The following HMG20A variants were observed in gnomAD, a reference collection of about 807,000 sequenced individuals.
HMG20A encodes high mobility group 20A.
In HMG20A, 17 loss-of-function variants were observed where a neutral mutation model predicts 43.9. The observed-to-expected ratio is 0.39, with a 90% confidence interval of 0.27 to 0.58. The LOEUF is 0.58. HMG20A is among the 20% of genes least tolerant of loss of function. The pLI is 0.59. For missense variants in HMG20A, 341 were observed against 438.2 expected (o/e 0.78, Z 1.98); for synonymous variants, 132 against 147.5 (o/e 0.89, Z 0.76).
intron 3 of HMG20A, among the ~76,000 whole-genome samples, chr15:77,466,552 T>C (rs1467393996): frequency 6.6e-6 from 1 of 152,246 alleles, no homozygotes; most frequent in East Asian, 1.9e-4. Context: ...GGAAATAAGC[T>C]AGTCTTTGAA....
the HMG20A span, among the ~76,000 whole-genome samples, chr15:77,519,472 G>A: frequency 6.6e-6 from 1 of 152,332 alleles, no homozygotes; most frequent in East Asian, 1.9e-4. Context: ...CAGTGTGATA[G>A]TATTAAGAGG....
chr15:77,504,135 C>T, the HMG20A span, among the ~76,000 whole-genome samples: 1 of 152,162 alleles, frequency 6.6e-6, no homozygotes, highest in African/African-American at 2.4e-5. Flanking sequence ...AGTCCTCAGC[C>T]GAGGCCTTCT....
At chr15:77,502,332 C>A in the HMG20A span, among the ~76,000 whole-genome samples, 1 of 152,202 alleles carries the variant, frequency 6.6e-6, no homozygotes, top group Non-Finnish European at 1.5e-5. Context: ...CTAAGCCAGT[C>A]CCTTGTTCCC....
chr15:77,427,496 C>T (rs575871456), intron 1 of HMG20A, among the ~76,000 whole-genome samples: 62 of 152,232 alleles, frequency 4.1e-4, no homozygotes, highest in African/African-American at 1.4e-3. Flanking sequence ...GTTTTCACCA[C>T]GATTTTACCA....
At chr15:77,451,847 A>C (rs2072606331) in intron 1 of HMG20A, among the ~76,000 whole-genome samples, 1 of 152,230 alleles carries the variant, frequency 6.6e-6, no homozygotes, top group South Asian at 2.1e-4. Flanking sequence ...TTGATGTTAA[A>C]GATTCAATAC....
At chr15:77,422,454 A>G (rs1274673716) in intron 1 of HMG20A, among the ~76,000 whole-genome samples, 4 of 152,124 alleles carry the variant, frequency 2.6e-5, no homozygotes, top group Non-Finnish European at 5.9e-5. Flanking sequence ...CGTCTCTACT[A>G]AAAATACAAA....
chr15:77,519,337 T>G, the HMG20A span, among the ~76,000 whole-genome samples: 1 of 152,222 alleles, frequency 6.6e-6, no homozygotes, highest in Non-Finnish European at 1.5e-5. Context: ...AACGCCAGTG[T>G]GCGCCTACTG....
chr15:77,471,034 A>G lies in HMG20A; in HGVS notation c.575A>G (p.His192Arg), dbSNP rs777976961. The change falls in exon 5 of 10, where the codon CAT becomes CGT. Residue 192 changes from histidine to arginine, a missense_variant. Coordinates refer to ENST00000336216, the MANE Select transcript of HMG20A (RefSeq NM_001304504.2). ...KTQDRQKGKS[H>R]RQDAARQATH... ...CAGGACCGTCAGAAAGGCAAATCTC[A>G]TAGGCAAGGTATCAAAACCAGAACC... is the stretch of plus-strand genomic sequence containing the variant. 2.5e-6 allele frequency: 4 copies of G among 1,599,348 alleles called. No individual in the cohort carries two copies. In the South Asian group the frequency reaches 4.4e-5, roughly 18 times the overall value.
intron 1 of HMG20A, among the ~76,000 whole-genome samples, chr15:77,443,410 A>ATTATTATTATTATT (rs2073637943): frequency 1.4e-5 from 2 of 145,254 alleles, no homozygotes; most frequent in Non-Finnish European, 3.0e-5. Context: ...TATTATTATT[A>ATTATTATTATTATT]AGTTAGGGTC....
At chr15:77,469,207 C>T (rs1296988124) in intron 4 of HMG20A, among the ~76,000 whole-genome samples, 1 of 133,194 alleles carries the variant, frequency 7.5e-6, no homozygotes. Context: ...TCTCCTTTGT[C>T]ATTAATAAGT....
At chr15:77,512,158 A>AT in the HMG20A span, among the ~76,000 whole-genome samples, 1 of 152,258 alleles carries the variant, frequency 6.6e-6, no homozygotes, top group Admixed American at 6.5e-5. Context: ...TAAGCCAGTC[A>AT]CAAAAGGACA....
chr15:77,448,354 C>T (rs1287161990), intron 1 of HMG20A, among the ~76,000 whole-genome samples: 1 of 152,190 alleles, frequency 6.6e-6, no homozygotes, highest in African/African-American at 2.4e-5. Context: ...TTTGCCACCT[C>T]CTCAGTCACA....
At chr15:77,444,875 A>G (rs1046020144) in intron 1 of HMG20A, among the ~76,000 whole-genome samples, 4 of 152,204 alleles carry the variant, frequency 2.6e-5, no homozygotes, top group African/African-American at 4.8e-5. Context: ...GAAAACTCTA[A>G]ATTTCATCTT....
chr15:77,436,631 G>T (rs1162327572), intron 1 of HMG20A, among the ~76,000 whole-genome samples: 2 of 151,584 alleles, frequency 1.3e-5, no homozygotes, highest in Non-Finnish European at 2.9e-5. Flanking sequence ...GCTAATTTTT[G>T]TATTTTTAGT....
In HMG20A at chr15:77,464,050, A is replaced by G. The variant is rs565013116; in HGVS notation, c.90-190A>G. On this transcript the variant is annotated intron_variant, in intron 2 of 9. Coordinates refer to ENST00000336216, the MANE Select transcript of HMG20A (RefSeq NM_001304504.2). ...TGTCTTCATGGAACTGACCTGGTTT[A>G]ATCAAGCACTGAAACCAGTTTTTTT... Among the ~76,000 whole-genome samples the G allele has an allele frequency of 7.2e-5, 11 of 152,356 alleles. No individual in the cohort carries two copies. The South Asian group carries it at 2.3e-3, about 32-fold the overall frequency.
At chr15:77,466,128 C>G (rs2072754612) in intron 3 of HMG20A, among the ~76,000 whole-genome samples, 2 of 152,162 alleles carry the variant, frequency 1.3e-5, no homozygotes, top group African/African-American at 4.8e-5. Context: ...CGCCTATAAT[C>G]CCAGCACTTT....
At chr15:77,442,388 A>C (rs924705877) in intron 1 of HMG20A, among the ~76,000 whole-genome samples, 1 of 152,320 alleles carries the variant, frequency 6.6e-6, no homozygotes, top group African/African-American at 2.4e-5. Flanking sequence ...AAGAAAATGA[A>C]CTGAATCTGT....
the HMG20A span, among the ~76,000 whole-genome samples, chr15:77,503,324 T>C: frequency 1.3e-5 from 2 of 152,206 alleles, no homozygotes; most frequent in Non-Finnish European, 2.9e-5. Context: ...CACCTGTCCT[T>C]CCTCAGTTTC....
At chr15:77,460,199 A>G (rs1453740278) in intron 2 of HMG20A, among the ~76,000 whole-genome samples, 1 of 152,216 alleles carries the variant, frequency 6.6e-6, no homozygotes, top group Non-Finnish European at 1.5e-5. Flanking sequence ...TAGTGGGGGT[A>G]AAAACCTCAT....
Sources: gnomAD v4.1 joint callset for allele counts (sites outside exome capture counted in the v4.1 genomes callset) on GRCh38, gnomAD v4.1.1 for gene constraint, MANE v1.5 for transcripts, NCBI Gene and HGNC (gene_info 2026-07-23, HGNC 2026-07-21) for gene names.